The following RGS12 variants were observed in gnomAD, a reference collection of about 807,000 sequenced individuals.
RGS12 encodes the protein regulator of G protein signaling 12.
In RGS12, 66 loss-of-function variants were observed where a neutral mutation model predicts 120.1. The observed-to-expected ratio is 0.55, with a 90% CI of 0.45 to 0.67. The LOEUF is 0.67. Among genes scored for constraint, RGS12 ranks in the 30% least tolerant of loss-of-function variants. The pLI, the probability that RGS12 is intolerant of heterozygous loss-of-function variation, is 0.00. For synonymous variants in RGS12, 827 were observed against 804.7 expected (o/e 1.03, Z -0.47); for missense variants, 1,859 against 1,957.7 (o/e 0.95, Z 0.95).
chr4:3,288,484 G>A (rs897326289), upstream of RGS12, among the ~76,000 whole-genome samples: 3 of 152,196 alleles, frequency 2.0e-5, no homozygotes, highest in African/African-American at 7.2e-5. This position sits in a 1 kb window ranked among gnomAD's most constrained non-coding sequence, Gnocchi z 5.2. Context: ...CTGGGGACAT[G>A]CAGGCCCATG....
chr4:3,418,851 C>T (rs1722695852), intron 9 of RGS12: 1 of 151,934 alleles, frequency 6.6e-6, no homozygotes, highest in South Asian at 2.1e-4. Context: ...CACTCGTGCC[C>T]ATCCCCATAC....
At chr4:3,368,283 T>C (rs906631856) in intron 3 of RGS12, among the ~76,000 whole-genome samples, 1 of 152,194 alleles carries the variant, frequency 6.6e-6, no homozygotes, top group Non-Finnish European at 1.5e-5. Context: ...CCAGAACCCC[T>C]TGCTGTTGTT....
chr4:3,331,512 T>C (rs1019660194), intron 2 of RGS12, among the ~76,000 whole-genome samples: 5 of 152,138 alleles, frequency 3.3e-5, no homozygotes, highest in African/African-American at 9.7e-5. Flanking sequence ...GTGTAGCCAA[T>C]GACAGGCTCC....
chr4:3,431,643 C>A (rs528718265), intron 17 of RGS12: 2 of 985,600 alleles, frequency 2.0e-6, no homozygotes, highest in African/African-American at 1.7e-5. Flanking sequence ...GAAACTGAGG[C>A]GAGGCTCCCA....
intron 3 of RGS12, chr4:3,385,126 TG>T (rs529410686): frequency 2.0e-5 from 3 of 152,078 alleles, no homozygotes; most frequent in Non-Finnish European, 4.4e-5. Flanking sequence ...GACTTTGGCG[TG>T]GGGGGGTCTT....
intron 2 of RGS12, among the ~76,000 whole-genome samples, chr4:3,332,619 C>A (rs1711987881): frequency 6.6e-6 from 1 of 152,216 alleles, no homozygotes; most frequent in African/African-American, 2.4e-5. Flanking sequence ...CGTTTCCTCT[C>A]TGTTGAGGCG....
At chr4:3,376,290 A>ACACACT (rs1717685304) in intron 3 of RGS12, among the ~76,000 whole-genome samples, 1 of 149,720 alleles carries the variant, frequency 6.7e-6, no homozygotes, top group Admixed American at 6.7e-5. Flanking sequence ...ACACACACAC[A>ACACACT]CACTTTAAAG....
intron 4 of RGS12, among the ~76,000 whole-genome samples, chr4:3,406,366 C>CT (rs1721122481): frequency 6.6e-6 from 1 of 152,222 alleles, no homozygotes; most frequent in South Asian, 2.1e-4. Context: ...CTTTCCAGGA[C>CT]TTTTTTCTTG....
chr4:3,300,600 C>G (rs560794165), intron 1 of RGS12, among the ~76,000 whole-genome samples: 2 of 152,336 alleles, frequency 1.3e-5, no homozygotes, highest in South Asian at 4.1e-4. Context: ...AGCCTGAAGT[C>G]AAGGTGTGGC....
In RGS12 at chr4:3,317,132, A is replaced by C; in HGVS notation, c.962A>C (p.Asp321Ala). The change falls in exon 2 of 18, where the codon GAC (aspartate) becomes GCC (alanine). Residue 321 changes from aspartate to alanine, a missense_variant. Asp to Ala is a moderately radical substitution (Grantham distance 126). This residue lies in a region of RGS12 where 967 missense variants were observed against 994.2 expected (regional missense o/e 0.97). Coordinates refer to ENST00000336727, the MANE Select transcript of RGS12 (RefSeq NM_001394154.1). ...FFGLVTMQTN[D>A]DGSLAQEEEG... ...GGGTTGGTTACCATGCAGACGAATG[A>C]CGACGGGAGCCTGGCCCAGGAGGAG... 6.2e-7 allele frequency: 1 copy of C among 1,613,962 alleles called. No homozygotes were observed. The highest frequency in any genetic ancestry group is 1.3e-5 in the African/African-American group (1 of 75,062).
intron 1 of RGS12, among the ~76,000 whole-genome samples, chr4:3,293,812 CCG>C (rs1723197383): frequency 1.3e-5 from 2 of 149,544 alleles, no homozygotes; most frequent in South Asian, 2.1e-4. Flanking sequence ...GGGCCCAGAG[CCG>C]TGGAGTGTAG....
intron 4 of RGS12, among the ~76,000 whole-genome samples, chr4:3,402,203 A>G (rs1485210340): frequency 6.6e-6 from 1 of 152,236 alleles, no homozygotes; most frequent in Non-Finnish European, 1.5e-5. Context: ...TACATCTAAC[A>G]TATTATATTT....
intron 4 of RGS12, among the ~76,000 whole-genome samples, chr4:3,386,958 C>G (rs1353116700): frequency 6.6e-6 from 1 of 152,112 alleles, no homozygotes; most frequent in Non-Finnish European, 1.5e-5. Context: ...TTTTCATGGA[C>G]TGATTGAAAA....
intron 2 of RGS12, among the ~76,000 whole-genome samples, chr4:3,327,451 T>C (rs570787170): frequency 1.3e-5 from 2 of 152,294 alleles, no homozygotes; most frequent in South Asian, 4.1e-4. Context: ...TTAAAGAACT[T>C]CTGCACAGCA....
intron 3 of RGS12, among the ~76,000 whole-genome samples, chr4:3,371,924 G>A (rs1348507998): frequency 6.6e-6 from 1 of 152,052 alleles, no homozygotes; most frequent in Non-Finnish European, 1.5e-5. Context: ...GCTGTTGCCC[G>A]ACTCCATTCA....
At chr4:3,340,249 A>G (rs1263031911) in intron 2 of RGS12, among the ~76,000 whole-genome samples, 5 of 152,176 alleles carry the variant, frequency 3.3e-5, no homozygotes, top group Admixed American at 1.3e-4. Context: ...CTGGGCAGCA[A>G]GTTTTCAGAC....
rs1414227190 is a variant in RGS12 at position 3,428,572 on chromosome 4, A to G, written c.3426A>G (p.Thr1142=). 5 of 1,591,698 alleles carry G rather than the reference A, an allele frequency of 3.1e-6. No individual in the cohort carries two copies. The Admixed American group carries it at 5.6e-5, about 18-fold the overall frequency. Reference sequence around the variant, plus strand: ...TTCTAATGCAGGGAGAGGAAAGAACACTAGGCAAGTCTAATTCTATTAAAA... The same window carrying G: ...TTCTAATGCAGGGAGAGGAAAGAACGCTAGGCAAGTCTAATTCTATTAAAA... ...RNHSATGEER[T]LGKSNSIKIK... Residue 1142 remains threonine, a synonymous_variant, in exon 16 of 18, where the codon ACA becomes ACG. Coordinates refer to ENST00000336727, the MANE Select transcript of RGS12 (RefSeq NM_001394154.1).
At chr4:3,354,396 G>T (rs1439635993) in intron 3 of RGS12, among the ~76,000 whole-genome samples, 1 of 152,114 alleles carries the variant, frequency 6.6e-6, no homozygotes, top group Non-Finnish European at 1.5e-5. Flanking sequence ...AATCATACTG[G>T]GTGTGTTGAT....
intron 17 of RGS12, among the ~76,000 whole-genome samples, chr4:3,434,089 A>C (rs923427719): frequency 6.6e-6 from 1 of 152,216 alleles, no homozygotes; most frequent in Non-Finnish European, 1.5e-5. Context: ...AAGACTAGGT[A>C]ATTTATAAAG....
Sources: allele counts gnomAD v4.1 joint callset (sites outside exome capture counted in the v4.1 genomes callset), GRCh38; gene constraint gnomAD v4.1.1; regional missense constraint gnomAD v4.1.1; non-coding constraint Gnocchi (gnomAD v3.1); transcripts MANE v1.5; gene names NCBI Gene and HGNC (gene_info 2026-07-23, HGNC 2026-07-21).